TRDN: variants seen among roughly 807,000 people sequenced by gnomAD.
The protein encoded by TRDN is triadin.
Under a neutral mutation model 149.7 loss-of-function variants are expected in TRDN, and 161 were observed. The ratio of observed to expected loss-of-function variants is 1.08; its 90% confidence interval spans 0.95 to 1.23. The LOEUF is 1.23. Among genes scored for constraint, TRDN ranks in the 50% most tolerant of loss-of-function variants. TRDN has a pLI of 0.00. For synonymous variants in TRDN, 294 were observed against 250.5 expected, an observed-to-expected ratio of 1.17 and a Z score of -1.64; for missense variants, 896 against 823.5, an observed-to-expected ratio of 1.09 and a Z score of -1.08.
chr6:123,467,274 A>T (rs759970605), intron 9 of TRDN, among the ~76,000 whole-genome samples: 1 of 151,046 alleles, frequency 6.6e-6, no homozygotes, highest in Non-Finnish European at 1.5e-5. Flanking sequence ...GTAAGGAAGG[A>T]TGGGGAAGAC....
intron 1 of TRDN, among the ~76,000 whole-genome samples, chr6:123,607,095 TG>T (rs1337656977): frequency 2.0e-5 from 3 of 152,188 alleles, no homozygotes; most frequent in African/African-American, 7.2e-5. Flanking sequence ...CAGTCACAAG[TG>T]GTTCTCAAAA....
chr6:123,448,205 G>GT lies in TRDN; in HGVS notation c.932-9203dup, dbSNP rs1775517318. ...AGAAGAAAATCTCTAGCTGAACTTTGTAACAATTTGAATGGGGTGAGAAGC... is the reference window on the plus strand; with the variant it reads ...AGAAGAAAATCTCTAGCTGAACTTTGTTAACAATTTGAATGGGGTGAGAAGC... On this transcript the variant is annotated intron_variant, in intron 10 of 40. Coordinates refer to ENST00000334268, the MANE Select transcript of TRDN (RefSeq NM_006073.4). Among the ~76,000 whole-genome samples, 12 of 152,270 alleles carry GT rather than the reference G, an allele frequency of 7.9e-5. No individual in the cohort carries two copies. In the South Asian group the frequency reaches 2.3e-3, roughly 29 times the overall value.
At chr6:123,427,589 A>G (rs1562308008) in intron 12 of TRDN, among the ~76,000 whole-genome samples, 1 of 151,978 alleles carries the variant, frequency 6.6e-6, no homozygotes, top group Non-Finnish European at 1.5e-5. Context: ...AACATCCCAC[A>G]TTGTCTACTT....
At chr6:123,401,742 C>T (rs566269557) in intron 12 of TRDN, among the ~76,000 whole-genome samples, 61 of 151,978 alleles carry the variant, frequency 4.0e-4, no homozygotes, top group African/African-American at 1.4e-3. Context: ...GTCAGGAGTT[C>T]GAGACAGCCT....
intron 1 of TRDN, among the ~76,000 whole-genome samples, chr6:123,629,847 C>G (rs1240424022): frequency 6.6e-6 from 1 of 151,980 alleles, no homozygotes; most frequent in Non-Finnish European, 1.5e-5. Context: ...ATTCATTGCA[C>G]ATTTGCCAAG....
intron 2 of TRDN, among the ~76,000 whole-genome samples, chr6:123,554,299 A>C (rs1583234368): frequency 6.6e-6 from 1 of 152,174 alleles, no homozygotes; most frequent in African/African-American, 2.4e-5. Flanking sequence ...TAAGCAAAGC[A>C]GAGATTTCTC....
chr6:123,246,833 C>T (rs1776199970), intron 38 of TRDN, among the ~76,000 whole-genome samples: 2 of 151,260 alleles, frequency 1.3e-5, no homozygotes, highest in African/African-American at 2.4e-5. Context: ...CCCTGATGAA[C>T]ATTGATGCAA....
At chr6:123,603,866 C>A (rs1784392690) in intron 1 of TRDN, among the ~76,000 whole-genome samples, 1 of 152,124 alleles carries the variant, frequency 6.6e-6, no homozygotes, top group South Asian at 2.1e-4. Context: ...CTGAAATTAG[C>A]AATTCACATG....
At chr6:123,588,507 T>G (rs920142694) in intron 1 of TRDN, among the ~76,000 whole-genome samples, 1 of 152,184 alleles carries the variant, frequency 6.6e-6, no homozygotes, top group South Asian at 2.1e-4. Context: ...AGCCATTCAG[T>G]AAGTTGGGGA....
intron 5 of TRDN, among the ~76,000 whole-genome samples, chr6:123,518,124 A>G (rs1054687712): frequency 6.6e-6 from 1 of 152,202 alleles, no homozygotes; most frequent in Non-Finnish European, 1.5e-5. Flanking sequence ...AATTATGTGA[A>G]ACTTTTGACA....
chr6:123,226,177 A>G (rs1191475008), intron 38 of TRDN, among the ~76,000 whole-genome samples: 1 of 151,780 alleles, frequency 6.6e-6, no homozygotes, highest in African/African-American at 2.4e-5. Context: ...TAAATACTGG[A>G]TAAAATGACC....
chr6:123,313,183 C>T (rs746905575), intron 24 of TRDN, among the ~76,000 whole-genome samples: 1 of 152,056 alleles, frequency 6.6e-6, no homozygotes, highest in East Asian at 1.9e-4. Flanking sequence ...TCAGCTCCTA[C>T]AATGTTTTAC....
At chr6:123,423,101 G>A (rs1003962323) in intron 12 of TRDN, among the ~76,000 whole-genome samples, 7 of 151,940 alleles carry the variant, frequency 4.6e-5, no homozygotes, top group Admixed American at 1.3e-4. Context: ...ATAGTTTGGA[G>A]GAATAAACAT....
At chr6:123,337,327 T>G (rs1343217758) in intron 22 of TRDN, among the ~76,000 whole-genome samples, 5 of 152,080 alleles carry the variant, frequency 3.3e-5, no homozygotes, top group African/African-American at 1.2e-4. Context: ...TTCTTAATAT[T>G]CTTTACTTCC....
intron 21 of TRDN, among the ~76,000 whole-genome samples, chr6:123,342,997 C>A (rs2114261827): frequency 6.6e-6 from 1 of 152,174 alleles, no homozygotes; most frequent in South Asian, 2.1e-4. Flanking sequence ...ATTGTCAAAT[C>A]TTTACACAGT....
intron 38 of TRDN, among the ~76,000 whole-genome samples, chr6:123,250,780 T>C (rs1776346237): frequency 6.6e-6 from 1 of 152,122 alleles, no homozygotes; most frequent in Non-Finnish European, 1.5e-5. Flanking sequence ...CAATAATTCC[T>C]TGACTTTTTA....
intron 4 of TRDN, among the ~76,000 whole-genome samples, chr6:123,536,094 TG>T (rs1350890260): frequency 1.3e-5 from 2 of 152,124 alleles, no homozygotes; most frequent in Non-Finnish European, 2.9e-5. Context: ...TAGGATTATA[TG>T]GGGATTAAAA....
intron 1 of TRDN, among the ~76,000 whole-genome samples, chr6:123,617,834 G>A (rs973461029): frequency 3.9e-5 from 6 of 152,028 alleles, no homozygotes; most frequent in Non-Finnish European, 5.9e-5. Context: ...TGTCTCCCGG[G>A]TCCTAGTGAT....
chr6:123,634,054 G>T (rs1181745450), intron 1 of TRDN, among the ~76,000 whole-genome samples: 1 of 152,000 alleles, frequency 6.6e-6, no homozygotes, highest in Non-Finnish European at 1.5e-5. Flanking sequence ...GTGTGTGCGT[G>T]ATAAATGGAT....
Sources: allele counts gnomAD v4.1 joint callset (sites outside exome capture counted in the v4.1 genomes callset), GRCh38; gene constraint gnomAD v4.1.1; transcripts MANE v1.5; gene names NCBI Gene and HGNC (gene_info 2026-07-23, HGNC 2026-07-21).